Variants in LOXHD1 observed in about 807,000 individuals in gnomAD.
LOXHD1 encodes lipoxygenase homology domain-containing protein 1.
In LOXHD1, 205 loss-of-function variants were observed where a neutral mutation model predicts 248.2. The observed-to-expected ratio is 0.83, with a 90% CI of 0.74 to 0.93. The LOEUF is 0.93. Among genes scored for constraint, LOXHD1 ranks in the 40% least tolerant of loss-of-function variants. The probability of loss-of-function intolerance (pLI) is 0.00; values close to 1 mark genes in which losing one functional copy is unlikely to be tolerated. For synonymous variants in LOXHD1, 1,113 were observed against 1,162.8 expected (o/e 0.96, Z 0.87); for missense variants, 2,930 against 2,971.6 (o/e 0.99, Z 0.33).
chr18:46,538,594 C>A (rs556500696), intron 25 of LOXHD1, among the ~76,000 whole-genome samples: 1 of 152,278 alleles, frequency 6.6e-6, no homozygotes, highest in South Asian at 2.1e-4. Flanking sequence ...CATGCCAGAG[C>A]ACATGTAGCA....
intron 6 of LOXHD1, 77 bp downstream of exon 6, chr18:46,610,699 T>G: frequency 1.6e-5 from 23 of 1,442,170 alleles, no homozygotes; most frequent in African/African-American, 2.9e-5. Flanking sequence ...AAGTTGGGAC[T>G]GAGATACAAC....
At chr18:46,598,749 A>G (rs1423022249) in intron 8 of LOXHD1, among the ~76,000 whole-genome samples, 2 of 152,144 alleles carry the variant, frequency 1.3e-5, no homozygotes, top group Admixed American at 6.5e-5. Context: ...TCTAACAGAC[A>G]TGCAATTTCT....
At chr18:46,482,025 C>CT (rs2032619679) in intron 40 of LOXHD1, among the ~76,000 whole-genome samples, 1 of 152,206 alleles carries the variant, frequency 6.6e-6, no homozygotes, top group African/African-American at 2.4e-5. Context: ...ATGGAAAGGG[C>CT]TTAGGCCTGG....
chr18:46,607,275 TATTC>T (rs1051461129), intron 6 of LOXHD1, among the ~76,000 whole-genome samples: 18 of 151,468 alleles, frequency 1.2e-4, no homozygotes, highest in African/African-American at 3.4e-4. Flanking sequence ...TAAAATATTG[TATTC>T]ATTATGACAC....
chr18:46,642,115 G>A (rs1427503936), intron 2 of LOXHD1, 79 bp from the exon 3 acceptor site: 15 of 1,270,850 alleles, frequency 1.2e-5, no homozygotes, highest in Middle Eastern at 1.8e-4. Flanking sequence ...CTGGCATTCC[G>A]CTTCTTCCTC....
intron 3 of LOXHD1, 124 bp downstream of exon 3, chr18:46,641,832 T>G (rs1260847953): frequency 8.7e-6 from 8 of 917,522 alleles, no homozygotes; most frequent in African/African-American, 3.3e-5. Flanking sequence ...GGGAAAGATT[T>G]GGGCCTTTGG....
intron 38 of LOXHD1, among the ~76,000 whole-genome samples, chr18:46,485,388 T>C (rs2032970862): frequency 6.6e-6 from 1 of 151,866 alleles, no homozygotes; most frequent in Non-Finnish European, 1.5e-5. Flanking sequence ...TGTAGGCAAA[T>C]ATGGGAGCCA....
chr18:46,610,836 C>T lies in LOXHD1; in HGVS notation c.699G>A (p.Leu233=). 1 of 1,551,776 alleles carries T rather than the reference C, an allele frequency of 6.4e-7. No individual in the cohort carries two copies. The highest frequency in any genetic ancestry group is 2.4e-5 in the East Asian group (1 of 40,926). Residue 233 remains leucine, a synonymous_variant, in exon 6 of 41, where the codon CTG becomes CTA. Transcript: ENST00000642948. ...TGTTGTGGCCAACATTGATCTTCATCAGCTGCCCCAAATCCGGGGCATCCA... is the reference window on the plus strand; with the variant it reads ...TGTTGTGGCCAACATTGATCTTCATTAGCTGCCCCAAATCCGGGGCATCCA... ...FILDAPDLGQ[L]MKINVGHNNK... is the part of the protein sequence containing the mutation.
At chr18:46,543,286 T>C (rs746129263) in intron 23 of LOXHD1, among the ~76,000 whole-genome samples, 5 of 152,236 alleles carry the variant, frequency 3.3e-5, no homozygotes, top group Non-Finnish European at 7.3e-5. Flanking sequence ...TCTCCATTCC[T>C]GAGTTACTTC....
intron 18 of LOXHD1, 147 bp from the exon 19 acceptor site, chr18:46,560,692 C>T (rs1467508250): frequency 5.6e-6 from 4 of 718,788 alleles, no homozygotes; most frequent in Non-Finnish European, 9.0e-6. Flanking sequence ...TCAGATCCTT[C>T]CACCACCTCC....
intron 5 of LOXHD1, among the ~76,000 whole-genome samples, chr18:46,617,290 A>AT (rs1440342105): frequency 1.3e-5 from 2 of 152,074 alleles, no homozygotes; most frequent in Non-Finnish European, 2.9e-5. Context: ...TTCCTGGTCT[A>AT]TTTTTTCACT....
Position 46,521,100 on chromosome 18 carries a change from C to T in LOXHD1, c.5268G>A (p.Val1756=). 4 of 1,551,564 alleles carry T rather than the reference C, an allele frequency of 2.6e-6. No homozygotes were observed. Among genetic ancestry groups the T allele is most frequent in the Non-Finnish European group, 3.5e-6 (4 of 1,146,828 alleles). The change falls in exon 33 of 41, where the codon GTG becomes GTA. Residue 1756 remains valine (V), a synonymous_variant. Coordinates refer to ENST00000642948, the MANE Select transcript of LOXHD1 (RefSeq NM_001384474.1). ...LLDAMVVNIG[V]KVLYEMTVWT... is the part of the protein sequence containing the mutation. ...ACACTCACAGTGCCCCCCCTACCTT[C>T]ACCCCAATGTTCACCACCATGGCAT...
At chr18:46,546,196 T>C (rs147913269) in intron 22 of LOXHD1, among the ~76,000 whole-genome samples, 2 of 109,750 alleles carry the variant, frequency 1.8e-5, no homozygotes, top group Admixed American at 1.7e-4. Context: ...AAAGTTACTG[T>C]TCATTCTTTC....
intron 21 of LOXHD1, among the ~76,000 whole-genome samples, chr18:46,547,290 T>C (rs2036891767): frequency 6.6e-6 from 1 of 152,166 alleles, no homozygotes; most frequent in South Asian, 2.1e-4. Flanking sequence ...TTGAAAATTG[T>C]TATGTGACCT....
At chr18:46,596,875 G>A (rs1244810358) in intron 8 of LOXHD1, among the ~76,000 whole-genome samples, 1 of 152,112 alleles carries the variant, frequency 6.6e-6, no homozygotes, top group African/African-American at 2.4e-5. Flanking sequence ...GAATGACAGT[G>A]ATATAAAACA....
At chr18:46,570,486 G>A (rs2037731297) in intron 15 of LOXHD1, among the ~76,000 whole-genome samples, 2 of 152,164 alleles carry the variant, frequency 1.3e-5, no homozygotes, top group African/African-American at 2.4e-5. Flanking sequence ...CCTTGCCTAG[G>A]GACCAGCCCT....
chr18:46,581,455 T>C (rs983519552), intron 12 of LOXHD1, among the ~76,000 whole-genome samples: 4 of 152,040 alleles, frequency 2.6e-5, no homozygotes, highest in African/African-American at 9.7e-5. Context: ...AATGGTTCAT[T>C]TGAGCTGTCT....
chr18:46,534,295 G>A (rs1349022736), intron 27 of LOXHD1, 40 bp downstream of exon 27: 3 of 1,447,706 alleles, frequency 2.1e-6, no homozygotes, highest in Admixed American at 2.0e-5. Context: ...CTCTGGAAAG[G>A]GACAAAAGAA....
At position 46,601,270 on chromosome 18, in the gene LOXHD1, C is replaced by A; in HGVS notation, c.1081G>T (p.Val361Phe). ...LAVLLSPLSR[V>F]SVGHGNVGVN... ...CCCACATTGCCATGCCCGACGGAGA[C>A]CCGACTCAGGGGGCTAAGGAGGACA... The change falls in exon 8 of 41, where the codon GTC becomes TTC. Residue 361 changes from valine (V) to phenylalanine (F), a missense_variant. Transcript: ENST00000642948. 6.4e-7 allele frequency: 1 copy of A among 1,551,714 alleles called. No individual in the cohort carries two copies. Among genetic ancestry groups the A allele is most frequent in the Non-Finnish European group, 8.7e-7 (1 of 1,147,002 alleles).
Sources: gnomAD v4.1 joint callset for allele counts (sites outside exome capture counted in the v4.1 genomes callset) on GRCh38, gnomAD v4.1.1 for gene constraint, MANE v1.5 for transcripts, NCBI Gene and HGNC (gene_info 2026-07-23, HGNC 2026-07-21) for gene names.